The following TIAM1 variants were observed in gnomAD, a reference collection of about 807,000 sequenced individuals.
The protein encoded by TIAM1 is rho guanine nucleotide exchange factor TIAM1.
A neutral mutation model predicts 163.5 loss-of-function variants in TIAM1; 65 were observed. The observed-to-expected ratio is 0.40, with a 90% confidence interval of 0.33 to 0.49. The LOEUF is 0.49. TIAM1 is among the 20% of genes least tolerant of loss of function. The probability of loss-of-function intolerance (pLI) is 0.77; values close to 1 mark genes in which losing one functional copy is unlikely to be tolerated. For missense variants in TIAM1, 1,789 were observed against 2,044.7 expected (o/e 0.87, Z 2.41); for synonymous variants, 833 against 810.1 (o/e 1.03, Z -0.48).
chr21:31,318,316 G>A (rs944795072), intron 2 of TIAM1, among the ~76,000 whole-genome samples: 5 of 152,166 alleles, frequency 3.3e-5, no homozygotes, highest in Non-Finnish European at 5.9e-5. Flanking sequence ...TGTTGGCCAC[G>A]CTGGTTTCGA....
intron 2 of TIAM1, among the ~76,000 whole-genome samples, chr21:31,329,095 G>T (rs186121289): frequency 6.6e-6 from 1 of 152,184 alleles, no homozygotes; most frequent in East Asian, 1.9e-4. Context: ...TTTTCCAAAA[G>T]AGATTAAGCA....
chr21:31,331,667 T>TA (rs1308515118), intron 2 of TIAM1, among the ~76,000 whole-genome samples: 1 of 152,178 alleles, frequency 6.6e-6, no homozygotes, highest in African/African-American at 2.4e-5. Flanking sequence ...ATTCTGCAGA[T>TA]AAATTTCCCA....
intron 2 of TIAM1, among the ~76,000 whole-genome samples, chr21:31,413,264 C>CTTTTTTTTTTTTTTTTTT (rs397866519): frequency 2.3e-5 from 2 of 87,876 alleles, no homozygotes; most frequent in African/African-American, 5.1e-5. Context: ...CTTTTCTTTT[C>CTTTTTTTTTTTTTTTTTT]TTTTTTTTTT....
At chr21:31,326,749 G>A (rs1052021258) in intron 2 of TIAM1, among the ~76,000 whole-genome samples, 4 of 152,214 alleles carry the variant, frequency 2.6e-5, no homozygotes, top group African/African-American at 9.6e-5. Context: ...TTGCAGTGGT[G>A]ATTAAAGCGA....
At chr21:31,163,556 A>G (rs1052274592) in intron 16 of TIAM1, among the ~76,000 whole-genome samples, 3 of 152,238 alleles carry the variant, frequency 2.0e-5, no homozygotes, top group Admixed American at 1.3e-4. Flanking sequence ...AAGATCCTAC[A>G]GTCAGGAAAG....
chr21:31,407,616 T>C (rs2077268504), intron 2 of TIAM1, among the ~76,000 whole-genome samples: 1 of 150,008 alleles, frequency 6.7e-6, no homozygotes, highest in Non-Finnish European at 1.5e-5. Flanking sequence ...TTCAAATGAG[T>C]CATTTGCTCT....
chr21:31,243,161 C>T (rs1010678198), intron 6 of TIAM1, among the ~76,000 whole-genome samples: 10 of 136,344 alleles, frequency 7.3e-5, no homozygotes, highest in African/African-American at 2.8e-4. Flanking sequence ...CATTGCACTC[C>T]AGCCTGGGCA....
chr21:31,442,070 A>ATATATATATATAT (rs2044441960), intron 2 of TIAM1, among the ~76,000 whole-genome samples: 4 of 53,230 alleles, frequency 7.5e-5, no homozygotes, highest in African/African-American at 2.0e-4. Context: ...CAAATAAATA[A>ATATATATATATAT]ATATATATAT....
intron 2 of TIAM1, among the ~76,000 whole-genome samples, chr21:31,303,927 G>A (rs1423727078): frequency 2.0e-5 from 3 of 152,108 alleles, no homozygotes; most frequent in Non-Finnish European, 4.4e-5. Flanking sequence ...GCAGTGAGCC[G>A]AGATCGCACT....
intron 13 of TIAM1, among the ~76,000 whole-genome samples, chr21:31,194,133 C>CT (rs34928789): frequency 0.22 from 33,157 of 150,640 alleles, 4,654 homozygotes; most frequent in East Asian, 0.4. Context: ...TCTCCTTTCT[C>CT]TTTTTTTTTG....
rs746107761 is a variant in TIAM1 at position 31,266,456 on chromosome 21, C to T, written c.517G>A (p.Ala173Thr). 6 of 1,614,090 alleles carry T rather than the reference C, an allele frequency of 3.7e-6. No individual in the cohort carries two copies. The highest frequency in any genetic ancestry group is 1.1e-5 in the South Asian group (1 of 91,090). ...AGGCTGTCCTCCCGCCAGATGTCTG[C>T]AGATTTGGAGCGTTTCTTCTTAAAG... ...ASFKKKRSKS[A>T]DIWREDSLEF... The change falls in exon 4 of 28, where the codon GCA becomes ACA. Residue 173 changes from alanine (A) to threonine (T), a missense_variant. Around this residue, in one of 5 missense-constraint regions of TIAM1, gnomAD observed 555 missense variants for 564.9 expected, o/e 0.98. Coordinates refer to ENST00000541036, the MANE Select transcript of TIAM1 (RefSeq NM_001353694.2).
chr21:31,457,179 G>A (rs2147340262), intron 2 of TIAM1, among the ~76,000 whole-genome samples: 1 of 152,164 alleles, frequency 6.6e-6, no homozygotes, highest in South Asian at 2.1e-4. Flanking sequence ...TCAGGCTCCG[G>A]CAGGGAGCTC....
At chr21:31,549,472 A>AT (rs1248467676) in intron 1 of TIAM1, among the ~76,000 whole-genome samples, 2 of 108,292 alleles carry the variant, frequency 1.8e-5, no homozygotes, top group Non-Finnish European at 3.8e-5. Flanking sequence ...CAACTTATTA[A>AT]TAAAAAAAAA....
intron 1 of TIAM1, among the ~76,000 whole-genome samples, chr21:31,499,425 G>A (rs1251277476): frequency 2.6e-5 from 4 of 151,956 alleles, no homozygotes; most frequent in Non-Finnish European, 5.9e-5. Context: ...GCCAGGCATG[G>A]CAGTACACGC....
chr21:31,377,688 T>C (rs193007118), intron 2 of TIAM1, among the ~76,000 whole-genome samples: 15 of 152,318 alleles, frequency 9.8e-5, no homozygotes, highest in Non-Finnish European at 1.9e-4. Context: ...CAGGTTTCTG[T>C]CTGCCATCCT....
chr21:31,451,081 G>C (rs1312212018), intron 2 of TIAM1, among the ~76,000 whole-genome samples: 1 of 146,894 alleles, frequency 6.8e-6, no homozygotes, highest in South Asian at 2.1e-4. Flanking sequence ...AAAAAAAAAA[G>C]GTTCGCTCTG....
At chr21:31,480,107 G>T (rs75565661) in intron 1 of TIAM1, among the ~76,000 whole-genome samples, 2 of 152,140 alleles carry the variant, frequency 1.3e-5, no homozygotes, top group Non-Finnish European at 2.9e-5. Context: ...CCAATCAATC[G>T]ATTTTAAATT....
intron 2 of TIAM1, among the ~76,000 whole-genome samples, chr21:31,312,060 CT>C (rs1250460472): frequency 9.8e-5 from 15 of 152,342 alleles, no homozygotes; most frequent in Middle Eastern, 3.4e-3. Flanking sequence ...TTGCCAGGGG[CT>C]CTTGGGCCTT....
At chr21:31,219,024 CTTTTTTTTTTTTTTTTT>C (rs35555743) in intron 8 of TIAM1, among the ~76,000 whole-genome samples, 3 of 88,490 alleles carry the variant, frequency 3.4e-5, no homozygotes, top group Non-Finnish European at 6.8e-5. Flanking sequence ...GAAGCATTTC[CTTTTTTTTTTTTTTTTT>C]TTTTTTTTTT....
Sources: allele counts gnomAD v4.1 joint callset (sites outside exome capture counted in the v4.1 genomes callset), GRCh38; gene constraint gnomAD v4.1.1; regional missense constraint gnomAD v4.1.1; transcripts MANE v1.5; gene names NCBI Gene and HGNC (gene_info 2026-07-23, HGNC 2026-07-21).